Variants in THSD7B observed in about 807,000 individuals in gnomAD.
The protein encoded by THSD7B is thrombospondin type-1 domain-containing protein 7B.
In THSD7B, 138 loss-of-function variants were observed where a neutral mutation model predicts 213.6. The ratio of observed to expected loss-of-function variants is 0.65; its 90% CI spans 0.56 to 0.74. THSD7B has a LOEUF of 0.74. Ranked by LOEUF, THSD7B falls within the 30% of genes least tolerant of loss-of-function variation. The pLI, the probability that THSD7B is intolerant of heterozygous loss-of-function variation, is 0.00. For synonymous variants in THSD7B, 742 were observed against 687.0 expected (o/e 1.08, Z -1.25); for missense variants, 1,931 against 1,991.5 (o/e 0.97, Z 0.58).
intron 26 of THSD7B, among the ~76,000 whole-genome samples, chr2:137,663,933 C>A (rs560106747): frequency 4.6e-5 from 7 of 151,780 alleles, no homozygotes; most frequent in Non-Finnish European, 7.4e-5. Context: ...CTTACTGCGA[C>A]CTCCACCTCC....
intron 1 of THSD7B, among the ~76,000 whole-genome samples, chr2:136,871,737 A>G (rs917040133): frequency 6.6e-6 from 1 of 152,172 alleles, no homozygotes. Flanking sequence ...CTCTGTATGA[A>G]CAGATTCATT....
intron 7 of THSD7B, among the ~76,000 whole-genome samples, chr2:137,194,391 C>T (rs1680719855): frequency 1.3e-5 from 2 of 152,166 alleles, no homozygotes; most frequent in African/African-American, 4.8e-5. Context: ...TTTAGAGCAG[C>T]CCCTCCTGGG....
intron 1 of THSD7B, among the ~76,000 whole-genome samples, chr2:136,880,521 C>T (rs970389858): frequency 1.3e-5 from 2 of 152,110 alleles, no homozygotes; most frequent in African/African-American, 2.4e-5. Context: ...ATCTGGTAGC[C>T]TCATCAGACT....
In THSD7B at chr2:137,618,331, T is replaced by C. The variant is rs113436315; in HGVS notation, c.3566-61T>C. On this transcript the variant is annotated intron_variant, in intron 18 of 27. Coordinates refer to ENST00000409968, the MANE Select transcript of THSD7B (RefSeq NM_001316349.2). ...ACCAAAGCAGATAATCAAAGGTCTG[T>C]TGTATTTTGCTCACATGGCCATAAT... is the stretch of plus-strand genomic sequence containing the variant. The C allele has an allele frequency of 1.3e-3, 1,753 of 1,306,226 alleles. 21 individuals carry two copies. The African/African-American group carries it at 0.022, about 17-fold the overall frequency. The allele number at this position is 1,306,226 out of a possible 1,614,324, so 80.9% of individuals were successfully genotyped here. A position where few individuals can be genotyped will look rare whatever the true frequency, so the allele number is the denominator to read the frequency against.
chr2:137,085,684 A>C (rs1687824933), intron 3 of THSD7B, among the ~76,000 whole-genome samples: 1 of 152,132 alleles, frequency 6.6e-6, no homozygotes, highest in Admixed American at 6.6e-5. Context: ...GACCTGTAAA[A>C]CACCATACAT....
rs552342084 is a variant in THSD7B at position 137,041,826 on chromosome 2, ATG to A, written c.140-14589_140-14588del. On this transcript the variant is annotated intron_variant, in intron 2 of 27. Transcript: ENST00000409968. ...ATGATTATATTGCTATAATTCGCTA[ATG>A]TGTGGCCAATAAAGTACATCATGTC... Among the ~76,000 whole-genome samples the A allele has an allele frequency of 5.9e-5, 9 of 152,306 alleles. No individual in the cohort carries two copies. In the South Asian group the frequency reaches 1.9e-3, roughly 32 times the overall value.
chr2:136,920,652 A>G (rs1684420661), intron 2 of THSD7B, among the ~76,000 whole-genome samples: 1 of 151,964 alleles, frequency 6.6e-6, no homozygotes, highest in Non-Finnish European at 1.5e-5. Context: ...GGCTTGAAGG[A>G]GGGGTTTCAC....
chr2:136,819,609 G>A (rs1383316079), intron 1 of THSD7B, among the ~76,000 whole-genome samples: 1 of 152,094 alleles, frequency 6.6e-6, no homozygotes, highest in Non-Finnish European at 1.5e-5. Context: ...ATGGGACTTG[G>A]GATGGCCATC....
At chr2:136,998,241 A>G (rs1685929613) in intron 2 of THSD7B, among the ~76,000 whole-genome samples, 1 of 147,138 alleles carries the variant, frequency 6.8e-6, no homozygotes, top group African/African-American at 2.5e-5. Flanking sequence ...ATTCCTATAC[A>G]TGGAAAGAGA....
At chr2:136,974,357 C>A (rs1045345545) in intron 2 of THSD7B, among the ~76,000 whole-genome samples, 1 of 152,066 alleles carries the variant, frequency 6.6e-6, no homozygotes, top group Admixed American at 6.6e-5. Context: ...CTGAACCCCC[C>A]GCCCCGCACA....
chr2:137,356,681 G>A (rs192010038), intron 12 of THSD7B, among the ~76,000 whole-genome samples: 36 of 152,190 alleles, frequency 2.4e-4, no homozygotes, highest in African/African-American at 7.9e-4. Context: ...GGGCTGTCTC[G>A]ACTCCTCCAG....
chr2:137,377,560 T>A (rs1013113145), intron 12 of THSD7B, among the ~76,000 whole-genome samples: 4 of 152,244 alleles, frequency 2.6e-5, no homozygotes, highest in Non-Finnish European at 4.4e-5. Context: ...TTTAAAAAAA[T>A]TACATCATTT....
At chr2:136,862,412 C>T (rs1683269724) in intron 1 of THSD7B, among the ~76,000 whole-genome samples, 1 of 152,204 alleles carries the variant, frequency 6.6e-6, no homozygotes, top group Admixed American at 6.5e-5. Context: ...GGGTCCCCTT[C>T]TACCTGCCAG....
intron 12 of THSD7B, among the ~76,000 whole-genome samples, chr2:137,404,682 G>T (rs183853368): frequency 1.3e-5 from 2 of 150,904 alleles, no homozygotes; most frequent in Admixed American, 1.3e-4. Context: ...ACCATAAAAA[G>T]GAATGAATTA....
At chr2:137,043,725 A>G (rs1179645758) in intron 2 of THSD7B, among the ~76,000 whole-genome samples, 1 of 151,772 alleles carries the variant, frequency 6.6e-6, no homozygotes, top group East Asian at 1.9e-4. Context: ...GCTCTATTAC[A>G]CCTCTTGTCT....
At chr2:137,014,577 T>C (rs1261194412) in intron 2 of THSD7B, among the ~76,000 whole-genome samples, 1 of 152,196 alleles carries the variant, frequency 6.6e-6, no homozygotes, top group African/African-American at 2.4e-5. Flanking sequence ...TGGGATTTCT[T>C]TCATTTGGTC....
chr2:137,675,554 T>C (rs1982330), intron 27 of THSD7B, among the ~76,000 whole-genome samples: 125,296 of 151,400 alleles, frequency 0.83, 52,919 homozygotes, highest in East Asian at 0.91. Context: ...TAAACAGCCT[T>C]GGTAGTCCTT....
intron 2 of THSD7B, among the ~76,000 whole-genome samples, chr2:137,049,958 G>A (rs1221489150): frequency 1.3e-5 from 2 of 152,102 alleles, no homozygotes; most frequent in African/African-American, 2.4e-5. Flanking sequence ...AGAAACCAGC[G>A]TGATATAGAG....
rs3050089 is a variant in THSD7B, at chr2:137,097,769, GACACAC to G, written c.1199+2683_1199+2688del. On this transcript the variant is annotated intron_variant, in intron 4 of 27. Coordinates refer to ENST00000409968, the MANE Select transcript of THSD7B (RefSeq NM_001316349.2). Reference sequence around the variant, plus strand: ...ACTGTTTGAAAATGCCGCTAAGTTTGACACACACACACACACACACACACACACACA... The same window carrying G: ...ACTGTTTGAAAATGCCGCTAAGTTTGACACACACACACACACACACACACA... Among the ~76,000 whole-genome samples the G allele has an allele frequency of 4.2e-3, 589 of 141,456 alleles. 6 individuals carry two copies. The highest frequency in any genetic ancestry group is 0.01 in the East Asian group (51 of 4,892). 92.8% of individuals were successfully genotyped at this position (141,456 alleles called of 152,430 possible).
Sources: gnomAD v4.1 joint callset for allele counts (sites outside exome capture counted in the v4.1 genomes callset) on GRCh38, gnomAD v4.1.1 for gene constraint, MANE v1.5 for transcripts, NCBI Gene and HGNC (gene_info 2026-07-23, HGNC 2026-07-21) for gene names.